The following DGKB variants were observed in gnomAD, a reference collection of about 807,000 sequenced individuals.
The protein encoded by DGKB is 90 kDa diacylglycerol kinase.
Under a neutral mutation model 114.3 loss-of-function variants are expected in DGKB, and 67 were observed. That is an observed-to-expected ratio of 0.59 (90% confidence interval 0.48 to 0.72). The LOEUF (loss-of-function observed/expected upper bound fraction) is 0.72. Ranked by LOEUF, DGKB falls within the 30% of genes least tolerant of loss-of-function variation. DGKB has a pLI of 0.00. For missense variants in DGKB, 907 were observed against 975.2 expected, an observed-to-expected ratio of 0.93 and a Z score of 0.93; for synonymous variants, 398 against 323.1, an observed-to-expected ratio of 1.23 and a Z score of -2.49.
At chr7:14,665,243 A>C (rs990915081) in intron 13 of DGKB, among the ~76,000 whole-genome samples, 1 of 152,006 alleles carries the variant, frequency 6.6e-6, no homozygotes, top group Non-Finnish European at 1.5e-5. Context: ...GCATGGATGG[A>C]GCTAAAGGCC....
chr7:14,860,681 G>T (rs997108467), intron 1 of DGKB, among the ~76,000 whole-genome samples: 1 of 151,826 alleles, frequency 6.6e-6, no homozygotes, highest in African/African-American at 2.4e-5. Flanking sequence ...GTTAGTTATT[G>T]ATTTTGGAGT....
chr7:14,439,044 A>G (rs1213224010), intron 21 of DGKB, among the ~76,000 whole-genome samples: 1 of 151,912 alleles, frequency 6.6e-6, no homozygotes, highest in African/African-American at 2.4e-5. Context: ...TTCACTGGAA[A>G]CAACATAGCC....
chr7:14,773,838 C>T (rs889793374), intron 2 of DGKB, among the ~76,000 whole-genome samples: 1 of 152,080 alleles, frequency 6.6e-6, no homozygotes, highest in African/African-American at 2.4e-5. Context: ...TTTTACATTA[C>T]ATCCTGTGTT....
intron 13 of DGKB, among the ~76,000 whole-genome samples, chr7:14,646,478 A>G (rs183054949): frequency 3.3e-5 from 5 of 152,306 alleles, no homozygotes; most frequent in Non-Finnish European, 7.4e-5. Context: ...ACACTGCACT[A>G]TAGACCAAAT....
chr7:14,481,617 C>A (rs181323238), intron 20 of DGKB, among the ~76,000 whole-genome samples: 13 of 151,838 alleles, frequency 8.6e-5, no homozygotes, highest in African/African-American at 3.1e-4. Context: ...ATAAATTTAG[C>A]CAATTAGAAA....
chr7:14,483,251 C>T (rs575112324), intron 20 of DGKB, among the ~76,000 whole-genome samples: 3 of 152,058 alleles, frequency 2.0e-5, no homozygotes, highest in South Asian at 2.1e-4. Flanking sequence ...TTTCTTTTTG[C>T]GGGAATAGGA....
At chr7:14,615,653 A>T (rs1209821070) in intron 15 of DGKB, among the ~76,000 whole-genome samples, 1 of 151,928 alleles carries the variant, frequency 6.6e-6, no homozygotes, top group Non-Finnish European at 1.5e-5. Flanking sequence ...AAAGTTGAAT[A>T]TCCAATATGG....
Position 14,146,298 on chromosome 7 carries a change from A to C in DGKB, c.*2833T>G, listed in dbSNP as rs1416000621. On this transcript the variant is annotated 3_prime_UTR_variant, in exon 26 of 26. Transcript: ENST00000402815. ...GGTTTACTCTGAAATGTCTCTCTGG[A>C]ATCTCATCAACTCAGTGCCTAGCAA... The C allele has an allele frequency of 6.6e-6, 1 of 152,194 alleles. No homozygotes were observed. The highest frequency in any genetic ancestry group is 1.9e-4 in the East Asian group (1 of 5,194). 9.4% of individuals were successfully genotyped at this position (152,194 alleles called of 1,614,324 possible).
chr7:14,861,434 T>A (rs1850959974), intron 1 of DGKB, among the ~76,000 whole-genome samples: 2 of 152,072 alleles, frequency 1.3e-5, no homozygotes, highest in African/African-American at 2.4e-5. Flanking sequence ...ATAGCTGATC[T>A]TTTTTTCATT....
chr7:14,207,618 T>TA (rs913908334), intron 23 of DGKB, among the ~76,000 whole-genome samples: 5 of 151,982 alleles, frequency 3.3e-5, no homozygotes, highest in African/African-American at 1.2e-4. Flanking sequence ...ATTTTGGGGG[T>TA]AACTAATATC....
intron 25 of DGKB, among the ~76,000 whole-genome samples, chr7:14,166,661 G>T (rs769007295): frequency 3.3e-5 from 5 of 152,190 alleles, no homozygotes; most frequent in Non-Finnish European, 4.4e-5. Flanking sequence ...GATATCTGAA[G>T]TTGCTGAAAA....
chr7:14,608,942 A>T (rs1421501170), intron 16 of DGKB, among the ~76,000 whole-genome samples: 1 of 152,032 alleles, frequency 6.6e-6, no homozygotes, highest in Non-Finnish European at 1.5e-5. Context: ...ATGAAAAAAA[A>T]TCCATGCTCA....
intron 25 of DGKB, among the ~76,000 whole-genome samples, chr7:14,171,037 G>A (rs1170928419): frequency 6.6e-6 from 1 of 152,144 alleles, no homozygotes; most frequent in African/African-American, 2.4e-5. Context: ...GATTTGAAAG[G>A]ATCATACCTA....
chr7:14,214,026 G>A (rs1485014256), intron 23 of DGKB, among the ~76,000 whole-genome samples: 1 of 151,662 alleles, frequency 6.6e-6, no homozygotes, highest in East Asian at 1.9e-4. Flanking sequence ...CTCTTCCCAA[G>A]TACTCCTTAT....
intron 15 of DGKB, among the ~76,000 whole-genome samples, chr7:14,613,620 A>G: frequency 6.6e-6 from 1 of 151,792 alleles, no homozygotes; most frequent in Non-Finnish European, 1.5e-5. Flanking sequence ...AACCTCCTCC[A>G]CAAAGAAAGG....
chr7:14,600,940 G>A (rs1803429631), intron 17 of DGKB, among the ~76,000 whole-genome samples: 1 of 152,104 alleles, frequency 6.6e-6, no homozygotes, highest in Non-Finnish European at 1.5e-5. Context: ...CTCAGAGGTG[G>A]CCCAGCCCCC....
At chr7:14,781,152 G>A (rs1229130552) in intron 2 of DGKB, among the ~76,000 whole-genome samples, 1 of 152,140 alleles carries the variant, frequency 6.6e-6, no homozygotes, top group African/African-American at 2.4e-5. Context: ...AAAAGGTAAC[G>A]TTTCCCTTAA....
intron 23 of DGKB, among the ~76,000 whole-genome samples, chr7:14,332,345 G>C (rs1809875744): frequency 6.6e-6 from 1 of 152,076 alleles, no homozygotes; most frequent in Non-Finnish European, 1.5e-5. Context: ...GAGCCAGCTG[G>C]AATCTGGTGC....
chr7:14,315,297 G>A (rs1305980334), intron 23 of DGKB, among the ~76,000 whole-genome samples: 1 of 151,098 alleles, frequency 6.6e-6, no homozygotes, highest in Non-Finnish European at 1.5e-5. Flanking sequence ...AACTTTAAAT[G>A]TAAATGGACT....
Sources: allele counts gnomAD v4.1 joint callset (sites outside exome capture counted in the v4.1 genomes callset), GRCh38; gene constraint gnomAD v4.1.1; transcripts MANE v1.5; gene names NCBI Gene and HGNC (gene_info 2026-07-23, HGNC 2026-07-21).